Variants in PLPP4 observed in about 807,000 individuals in gnomAD.
PLPP4 encodes diacylglycerol pyrophosphate like 2.
A neutral mutation model predicts 32.2 loss-of-function variants in PLPP4; 20 were observed. That is an observed-to-expected ratio of 0.62 (90% CI 0.44 to 0.90). The LOEUF is 0.90. Among genes scored for constraint, PLPP4 ranks in the 40% least tolerant of loss-of-function variants. PLPP4 has a pLI of 0.00. For synonymous variants in PLPP4, 127 were observed against 133.0 expected (o/e 0.95, Z 0.31); for missense variants, 257 against 353.1 (o/e 0.73, Z 2.18).
At chr10:120,568,677 T>C (rs1016679262) in intron 5 of PLPP4, among the ~76,000 whole-genome samples, 1 of 152,244 alleles carries the variant, frequency 6.6e-6, no homozygotes, top group African/African-American at 2.4e-5. Context: ...AATGTCATTA[T>C]GGAAAAAGGC....
intron 3 of PLPP4, among the ~76,000 whole-genome samples, chr10:120,516,638 G>C (rs1027726489): frequency 3.3e-5 from 5 of 152,222 alleles, no homozygotes; most frequent in African/African-American, 1.2e-4. Context: ...ATCAGACACA[G>C]TATGGTTTGT....
intron 5 of PLPP4, among the ~76,000 whole-genome samples, chr10:120,540,703 T>C (rs192584615): frequency 6.6e-6 from 1 of 152,316 alleles, no homozygotes; most frequent in East Asian, 1.9e-4. Context: ...AAACAAATAA[T>C]TACAGAAATG....
chr10:120,523,657 C>T (rs1846265816), intron 5 of PLPP4, among the ~76,000 whole-genome samples: 2 of 152,174 alleles, frequency 1.3e-5, no homozygotes, highest in Admixed American at 6.5e-5. Flanking sequence ...CTTTTCTTCT[C>T]TTCCTTCTTT....
rs369286527 is a variant in PLPP4, at chr10:120,457,901, G to C, written c.56+540G>C. On this transcript the variant is annotated intron_variant, in intron 1 of 6. Transcript: ENST00000398250. ...TGAGAAACTGTTGCTGTGGAGGCTT[G>C]AGAAGTCAAGGGGCTGCAGGCCGGG... Among the ~76,000 whole-genome samples, 12 of 152,352 alleles carry C rather than the reference G, an allele frequency of 7.9e-5. No homozygotes were observed. In the South Asian group the frequency reaches 2.3e-3, roughly 29 times the overall value.
chr10:120,518,762 GATA>G (rs1846033924), intron 3 of PLPP4, 68 bp from the exon 4 acceptor site: 6 of 1,165,932 alleles, frequency 5.1e-6, no homozygotes, highest in East Asian at 2.4e-5. Flanking sequence ...TGATGATGAT[GATA>G]ATGATGATGA....
chr10:120,497,649 GT>G (rs2133852806), intron 1 of PLPP4, among the ~76,000 whole-genome samples: 1 of 152,164 alleles, frequency 6.6e-6, no homozygotes, highest in Admixed American at 6.5e-5. Flanking sequence ...GAGTGAATGT[GT>G]TTTAAGGTCT....
At chr10:120,551,242 G>A (rs1048379535) in intron 5 of PLPP4, among the ~76,000 whole-genome samples, 1 of 152,240 alleles carries the variant, frequency 6.6e-6, no homozygotes, top group East Asian at 1.9e-4. Context: ...AAATGTTGAT[G>A]GGTATGGATT....
chr10:120,488,726 A>C (rs1168414024), intron 1 of PLPP4, among the ~76,000 whole-genome samples: 1 of 152,160 alleles, frequency 6.6e-6, no homozygotes, highest in African/African-American at 2.4e-5. Flanking sequence ...CCACATACCG[A>C]GTCAAGCTGT....
chr10:120,582,133 A>G (rs909159310), intron 6 of PLPP4, among the ~76,000 whole-genome samples: 1 of 152,204 alleles, frequency 6.6e-6, no homozygotes, highest in Non-Finnish European at 1.5e-5. Context: ...TCAGGGTCCT[A>G]CGGCTGCCAT....
At chr10:120,553,016 T>A (rs1219746290) in intron 5 of PLPP4, among the ~76,000 whole-genome samples, 1 of 152,200 alleles carries the variant, frequency 6.6e-6, no homozygotes, top group African/African-American at 2.4e-5. Flanking sequence ...ATTATCTGAT[T>A]CTTCTGATTC....
At chr10:120,508,264 C>A (rs533064054) in intron 2 of PLPP4, among the ~76,000 whole-genome samples, 1 of 152,254 alleles carries the variant, frequency 6.6e-6, no homozygotes, top group African/African-American at 2.4e-5. Flanking sequence ...GAGTCTTAGA[C>A]AGCTCTTTTA....
In PLPP4 at chr10:120,513,965, C is replaced by G. The variant is rs375159020; in HGVS notation, c.220C>G (p.Arg74Gly). Residue 74 changes from arginine (R) to glycine (G), a missense_variant, in exon 3 of 7, where the codon CGA (arginine) becomes GGA (glycine). Coordinates refer to ENST00000398250, the MANE Select transcript of PLPP4 (RefSeq NM_001030059.3). Reference protein sequence around the residue: ...AVICVVKIIRRTDKTEIKEAF... With the variant: ...AVICVVKIIRGTDKTEIKEAF... ...TATTTGTGTGGTGAAAATTATCCGG[C>G]GAACAGACAAGACTGAAATTAAGGA... 6.2e-7 allele frequency: 1 copy of G among 1,613,774 alleles called. No individual in the cohort carries two copies. The highest frequency in any genetic ancestry group is 1.3e-5 in the African/African-American group (1 of 74,902).
chr10:120,537,442 A>G (rs1476238530), intron 5 of PLPP4, among the ~76,000 whole-genome samples: 1 of 152,266 alleles, frequency 6.6e-6, no homozygotes, highest in African/African-American at 2.4e-5. Flanking sequence ...CCAGACACAG[A>G]AAGACAACTA....
intron 5 of PLPP4, 119 bp downstream of exon 5, chr10:120,521,214 C>T (rs1846141024): frequency 1.6e-6 from 2 of 1,257,486 alleles, no homozygotes; most frequent in African/African-American, 3.0e-5. Context: ...GTTCATTTTT[C>T]TTCACTTTAC....
Position 120,571,093 on chromosome 10 carries a change from CGTGT to C in PLPP4, c.446-4002_446-3999del, listed in dbSNP as rs60011757. Among the ~76,000 whole-genome samples, 880 of 144,640 alleles carry C rather than the reference CGTGT, an allele frequency of 6.1e-3. 11 individuals carry two copies. Among genetic ancestry groups the C allele is most frequent in the South Asian group, 0.021 (93 of 4,328 alleles). 94.9% of individuals were successfully genotyped at this position (144,640 alleles called of 152,430 possible). ...TTCCTTCCCATCAGTAGTAAAGGGG[CGTGT>C]GTGTGTGTGTGTGTGTGTGTGTGTG... On this transcript the variant is annotated intron_variant, in intron 5 of 6. Coordinates refer to ENST00000398250, the MANE Select transcript of PLPP4 (RefSeq NM_001030059.3).
chr10:120,582,282 C>T (rs1849546275), intron 6 of PLPP4, among the ~76,000 whole-genome samples: 1 of 152,216 alleles, frequency 6.6e-6, no homozygotes, highest in Non-Finnish European at 1.5e-5. Context: ...CCTTCTCTGC[C>T]TCTTCCAGCT....
At chr10:120,458,490 G>T (rs1847892619) in intron 1 of PLPP4, among the ~76,000 whole-genome samples, 1 of 152,132 alleles carries the variant, frequency 6.6e-6, no homozygotes, top group South Asian at 2.1e-4. Context: ...TGTCAAAGAT[G>T]ACTTCTGTTC....
intron 6 of PLPP4, among the ~76,000 whole-genome samples, chr10:120,579,744 G>A (rs1036027601): frequency 7.2e-5 from 11 of 151,994 alleles, no homozygotes; most frequent in Admixed American, 2.6e-4. Flanking sequence ...CCTGTTCCAT[G>A]TGACAGAGCC....
At chr10:120,538,418 G>A (rs1291553936) in intron 5 of PLPP4, among the ~76,000 whole-genome samples, 8 of 151,862 alleles carry the variant, frequency 5.3e-5, no homozygotes, top group Admixed American at 2.0e-4. Flanking sequence ...ATCAGCCTTC[G>A]GAGTCTGCTA....
Sources: allele counts gnomAD v4.1 joint callset (sites outside exome capture counted in the v4.1 genomes callset), GRCh38; gene constraint gnomAD v4.1.1; transcripts MANE v1.5; gene names NCBI Gene and HGNC (gene_info 2026-07-23, HGNC 2026-07-21).